PTGS1: variants seen among roughly 807,000 people sequenced by gnomAD.
PTGS1 encodes the protein prostaglandin G/H synthase 1.
A neutral mutation model predicts 63.0 loss-of-function variants in PTGS1; 40 were observed. That is an observed-to-expected ratio of 0.63 (90% CI 0.49 to 0.83). The LOEUF is 0.83. PTGS1 is among the 40% of genes least tolerant of loss of function. The pLI is 0.00. For synonymous variants in PTGS1, 298 were observed against 301.9 expected, an observed-to-expected ratio of 0.99 and a Z score of 0.13; for missense variants, 709 against 786.5, an observed-to-expected ratio of 0.90 and a Z score of 1.18.
At chr9:122,373,939 A>G (rs575265280) in intron 2 of PTGS1, among the ~76,000 whole-genome samples, 1 of 151,096 alleles carries the variant, frequency 6.6e-6, no homozygotes, top group African/African-American at 2.4e-5. Flanking sequence ...CTGCCTCTTC[A>G]CTGGGCAATC....
chr9:122,388,164 G>A (rs1432154402), intron 9 of PTGS1, among the ~76,000 whole-genome samples: 3 of 152,238 alleles, frequency 2.0e-5, no homozygotes, highest in African/African-American at 7.2e-5. Flanking sequence ...CCTGGCACAA[G>A]GCAGAAAGGC....
In PTGS1 at chr9:122,383,562, G is replaced by A. The variant is rs746589741; in HGVS notation, c.816G>A (p.Met272Ile). 1 of 1,614,094 alleles carries A rather than the reference G, an allele frequency of 6.2e-7. No homozygotes were observed. The highest frequency in any genetic ancestry group is 1.1e-5 in the South Asian group (1 of 91,078). The change falls in exon 8 of 11, where the codon ATG (methionine) becomes ATA (isoleucine). Residue 272 changes from methionine (M) to isoleucine (I), a missense_variant. Coordinates refer to ENST00000362012, the MANE Select transcript of PTGS1 (RefSeq NM_000962.4). ...PPSVEEAPVL[M>I]HYPRGIPPQS... is the part of the protein sequence containing the mutation. The stretch of plus-strand genomic sequence containing the variant: ...CGGTAGAAGAGGCGCCTGTGTTGAT[G>A]CACTACCCCCGAGGCATCCCGCCCC...
At chr9:122,385,610 AAT>A (rs1273315569) in intron 8 of PTGS1, among the ~76,000 whole-genome samples, 1 of 152,104 alleles carries the variant, frequency 6.6e-6, no homozygotes, top group East Asian at 1.9e-4. Context: ...ACATATAGGA[AAT>A]ATGTTTTTTG....
chr9:122,380,469 ATAAATAAAT>A (rs1273324905), intron 5 of PTGS1, among the ~76,000 whole-genome samples: 5 of 93,970 alleles, frequency 5.3e-5, no homozygotes, highest in African/African-American at 2.4e-4. Context: ...TGTCTCAAAA[ATAAATAAAT>A]AAATAAATAA....
intron 2 of PTGS1, chr9:122,372,921 A>G (rs748023983): frequency 2.0e-5 from 3 of 152,438 alleles, no homozygotes; most frequent in Non-Finnish European, 2.9e-5. Context: ...GGAGCCAGAA[A>G]TGCCAACAGA....
intron 2 of PTGS1, among the ~76,000 whole-genome samples, chr9:122,372,105 G>A (rs1836843303): frequency 6.6e-6 from 1 of 152,072 alleles, no homozygotes; most frequent in African/African-American, 2.4e-5. Flanking sequence ...GTGTGTGTGC[G>A]TGTGTGTGAG....
At chr9:122,373,853 C>G (rs1216900095) in intron 2 of PTGS1, among the ~76,000 whole-genome samples, 3 of 146,876 alleles carry the variant, frequency 2.0e-5, no homozygotes, top group Admixed American at 2.0e-4. Flanking sequence ...CAGGGTTCCC[C>G]ACCTTTTTTT....
At position 122,392,394 on chromosome 9, in the gene PTGS1, C is replaced by T. The variant is rs201417140; in HGVS notation, c.1650C>T (p.Gly550=). 8.7e-6 allele frequency: 14 copies of T among 1,614,128 alleles called. No homozygotes were observed. Among genetic ancestry groups the T allele is most frequent in the South Asian group, 3.3e-5 (3 of 91,084 alleles). The change falls in exon 11 of 11, where the codon GGC becomes GGT. Residue 550 remains glycine, a synonymous_variant. Transcript: ENST00000362012. ...AGTACTGGAAGCCGAGCACATTTGG[C>T]GGCGAGGTGGGCTTTAACATTGTCA... ...SPEYWKPSTF[G]GEVGFNIVKT...
rs897395682 is a variant in PTGS1 at position 122,393,774 on chromosome 9, G to T, written c.*1230G>T. 2.0e-5 allele frequency: 3 copies of T among 152,242 alleles called. No individual in the cohort carries two copies. The highest frequency in any genetic ancestry group is 7.2e-5 in the African/African-American group (3 of 41,458). 9.4% of individuals were successfully genotyped at this position (152,242 alleles called of 1,614,324 possible). A position where few individuals can be genotyped will look rare whatever the true frequency, so the allele number is the denominator to read the frequency against. ...ACACCTCACGCAGGCTGAGTCCAGA[G>T]CTTGTGCTCCTCTTGATTCCTGGTT... On this transcript the variant is annotated 3_prime_UTR_variant, in exon 11 of 11. Transcript: ENST00000362012.
Position 122,383,586 on chromosome 9 carries a change from C to G in PTGS1, c.840C>G (p.Pro280=), listed in dbSNP as rs765094143. 9 of 1,614,160 alleles carry G rather than the reference C, an allele frequency of 5.6e-6. No individual in the cohort carries two copies. In the Admixed American group the frequency reaches 6.7e-5, roughly 12 times the overall value. ...VLMHYPRGIP[P]QSQMAVGQEV... is the part of the protein sequence containing the mutation. ...TGCACTACCCCCGAGGCATCCCGCC[C>G]CAGAGCCAGATGGCTGTGGGCCAGG... The change falls in exon 8 of 11, where the codon CCC becomes CCG. Residue 280 remains proline (P), a synonymous_variant. Transcript: ENST00000362012.
chr9:122,374,984 C>A (rs1173267892), intron 2 of PTGS1, among the ~76,000 whole-genome samples: 1 of 152,162 alleles, frequency 6.6e-6, no homozygotes. Context: ...TTAGGGAGTG[C>A]TGGGGAGATA....
chr9:122,391,547 C>A (rs1838286039), intron 10 of PTGS1, among the ~76,000 whole-genome samples: 1 of 150,370 alleles, frequency 6.7e-6, no homozygotes, highest in African/African-American at 2.4e-5. Flanking sequence ...ATGAGAGTTC[C>A]CAGTGGAGGA....
intron 3 of PTGS1, 59 bp from the exon 4 acceptor site, chr9:122,378,374 C>T (rs1837305509): frequency 6.2e-7 from 1 of 1,605,706 alleles, no homozygotes; most frequent in South Asian, 1.1e-5. Flanking sequence ...ATCTTCCACC[C>T]TGGCTACTTC....
At chr9:122,391,316 A>T (rs957142726) in intron 10 of PTGS1, among the ~76,000 whole-genome samples, 1 of 107,878 alleles carries the variant, frequency 9.3e-6, no homozygotes, top group South Asian at 2.2e-4. Flanking sequence ...ATACATATAC[A>T]CACACATATA....
At position 122,376,724 on chromosome 9, in the gene PTGS1, C is replaced by T. The variant is rs186339800; in HGVS notation, c.95-1175C>T. Reference sequence around the variant, plus strand: ...CTGTGTAAGGTCAGAGATGGAGCCTCCTGCCAGGCGCTAGGAGTTTTTGGT... The same window carrying T: ...CTGTGTAAGGTCAGAGATGGAGCCTTCTGCCAGGCGCTAGGAGTTTTTGGT... On this transcript the variant is annotated intron_variant, in intron 2 of 10. Transcript: ENST00000362012. Among the ~76,000 whole-genome samples the T allele has an allele frequency of 3.6e-3, 554 of 152,268 alleles. 3 individuals are homozygous for T. The highest frequency in any genetic ancestry group is 0.013 in the African/African-American group (540 of 41,548).
chr9:122,389,212 G>A (rs1838056691), intron 9 of PTGS1, among the ~76,000 whole-genome samples: 3 of 135,238 alleles, frequency 2.2e-5, no homozygotes, highest in African/African-American at 5.5e-5. Context: ...GTGCAGTGGT[G>A]TGATTTTGGC....
chr9:122,392,077 C>G (rs970866203), intron 10 of PTGS1, 112 bp from the exon 11 acceptor site: 6 of 880,530 alleles, frequency 6.8e-6, no homozygotes, highest in Non-Finnish European at 1.0e-5. Context: ...AAGTTAGTCT[C>G]CTGGAGTCCC....
intron 10 of PTGS1, among the ~76,000 whole-genome samples, chr9:122,391,408 TAC>T (rs1838265316): frequency 9.3e-5 from 5 of 53,834 alleles, no homozygotes; most frequent in South Asian, 6.6e-4. Context: ...CATATATATA[TAC>T]ATATATATAT....
At chr9:122,380,640 CA>C (rs908728570) in intron 5 of PTGS1, among the ~76,000 whole-genome samples, 15 of 152,286 alleles carry the variant, frequency 9.8e-5, no homozygotes, top group Admixed American at 9.8e-4. Flanking sequence ...GCTACAATAG[CA>C]AAAACTGAAT....
Sources: allele counts gnomAD v4.1 joint callset (sites outside exome capture counted in the v4.1 genomes callset), GRCh38; gene constraint gnomAD v4.1.1; transcripts MANE v1.5; gene names NCBI Gene and HGNC (gene_info 2026-07-23, HGNC 2026-07-21).